The following DMD variants were observed in gnomAD, a reference collection of about 807,000 sequenced individuals.
The protein encoded by DMD is mutant dystrophin.
In DMD, 63 loss-of-function variants were observed where a neutral mutation model predicts 330.1. The observed-to-expected ratio is 0.19, with a 90% CI of 0.16 to 0.24. The LOEUF (loss-of-function observed/expected upper bound fraction) is 0.24, where lower values mean the gene tolerates loss of function less well. Ranked by LOEUF, DMD falls within the 10% of genes least tolerant of loss-of-function variation. The pLI, the probability that DMD is intolerant of heterozygous loss-of-function variation, is 1.00. For missense variants in DMD, 3,344 were observed against 2,684.1 expected, an observed-to-expected ratio of 1.25 and a Z score of -5.43; for synonymous variants, 1,223 against 959.8, an observed-to-expected ratio of 1.27 and a Z score of -5.07.
intron 4 of DMD, among the ~76,000 whole-genome samples, chrX:32,834,486 A>T (rs2079433568): frequency 9.0e-6 from 1 of 111,665 alleles, no homozygotes; most frequent in Non-Finnish European, 1.9e-5. Flanking sequence ...CCAGCATGTG[A>T]ACAGTATATC....
intron 12 of DMD, among the ~76,000 whole-genome samples, chrX:32,596,906 G>C (rs1476369228): frequency 9.0e-6 from 1 of 110,985 alleles, no homozygotes; most frequent in African/African-American, 3.3e-5. Context: ...CTACAAATCA[G>C]ATGTCAGTCC....
chrX:32,411,774 G>A lies in DMD; in HGVS notation c.4211C>T (p.Ala1404Val). 1 of 1,211,343 alleles carries A rather than the reference G, an allele frequency of 8.3e-7. No individual in the cohort carries two copies. The highest frequency in any genetic ancestry group is 1.1e-6 in the Non-Finnish European group (1 of 895,323). The change falls in exon 30 of 79, where the codon GCT (alanine) becomes GTT (valine). Residue 1404 changes from alanine to valine, a missense_variant. Ala to Val is a moderately conservative substitution (Grantham distance 64). Coordinates refer to ENST00000357033, the MANE Select transcript of DMD (RefSeq NM_004006.3). Reference sequence around the variant, plus strand: ...TGCCTGGGCTTCCTGAGGCATTTGAGCTGCGTCCACCTTGTCTGCAATATA... The same window carrying A: ...TGCCTGGGCTTCCTGAGGCATTTGAACTGCGTCCACCTTGTCTGCAATATA... Reference protein sequence around the residue: ...AAYIADKVDAAQMPQEAQKIQ... With the variant: ...AAYIADKVDAVQMPQEAQKIQ...
intron 2 of DMD, among the ~76,000 whole-genome samples, chrX:32,966,875 G>A (rs972943735): frequency 8.9e-6 from 1 of 112,186 alleles, no homozygotes; most frequent in Non-Finnish European, 1.9e-5. Flanking sequence ...ATGCAAATTG[G>A]AGTAGAAAAC....
At chrX:33,242,376 T>C (rs775890359) in intron 1 of DMD, among the ~76,000 whole-genome samples, 88 of 112,073 alleles carry the variant, frequency 7.9e-4, no homozygotes, top group Non-Finnish European at 1.4e-3. Flanking sequence ...TTTCCATTCC[T>C]GAGTTACTTC....
At chrX:32,884,528 A>C (rs1237393283) in intron 2 of DMD, among the ~76,000 whole-genome samples, 1 of 111,735 alleles carries the variant, frequency 8.9e-6, no homozygotes, top group East Asian at 2.8e-4. Flanking sequence ...TTTTAAACCA[A>C]TGGAGAGTCT....
At position 32,352,623 on chromosome X, in the gene DMD, C is replaced by G. The variant is rs150660942; in HGVS notation, c.5326-4095G>C. ...GCTCTATTAACCATTATACTCATAA[C>G]ATTGTAAAGAACTAATATCTCATAA... On this transcript the variant is annotated intron_variant, in intron 37 of 78. Coordinates refer to ENST00000357033, the MANE Select transcript of DMD (RefSeq NM_004006.3). Among the ~76,000 whole-genome samples the G allele has an allele frequency of 3.2e-3, 358 of 110,901 alleles. 11 individuals carry two copies. In the East Asian group the frequency reaches 0.086, roughly 27 times the overall value.
chrX:31,354,736 A>C (rs2058586025), intron 60 of DMD, among the ~76,000 whole-genome samples: 1 of 112,095 alleles, frequency 8.9e-6, no homozygotes, highest in Admixed American at 9.5e-5. Flanking sequence ...ACTAGAATGT[A>C]AGTTTATTGT....
intron 49 of DMD, among the ~76,000 whole-genome samples, chrX:31,822,827 T>G (rs1486377599): frequency 1.8e-5 from 2 of 110,606 alleles, no homozygotes; most frequent in Non-Finnish European, 3.8e-5. Context: ...GATCAATCTT[T>G]TATTCTTTAA....
intron 59 of DMD, among the ~76,000 whole-genome samples, chrX:31,461,708 C>T (rs905435783): frequency 9.0e-6 from 1 of 111,087 alleles, no homozygotes; most frequent in Non-Finnish European, 1.9e-5. Flanking sequence ...AAACAAAATT[C>T]TCATTATTTA....
intron 7 of DMD, among the ~76,000 whole-genome samples, chrX:32,737,308 A>T (rs200045221): frequency 9.0e-6 from 1 of 111,584 alleles, no homozygotes; most frequent in African/African-American, 3.3e-5. Context: ...TTGAACACAA[A>T]GTAATGTGAT....
chrX:32,404,530 A>C, intron 30 of DMD, among the ~76,000 whole-genome samples: 1 of 111,526 alleles, frequency 9.0e-6, no homozygotes, highest in Admixed American at 9.6e-5. Context: ...ACTGCTAAGC[A>C]ACTCCGCTCT....
intron 44 of DMD, among the ~76,000 whole-genome samples, chrX:32,055,163 C>T (rs1438791127): frequency 9.0e-6 from 1 of 111,155 alleles, no homozygotes; most frequent in African/African-American, 3.3e-5. Flanking sequence ...TGACGAAAAT[C>T]TCGTCCCTTA....
intron 55 of DMD, among the ~76,000 whole-genome samples, chrX:31,573,831 C>T (rs1357678340): frequency 9.0e-6 from 1 of 111,037 alleles, no homozygotes; most frequent in Non-Finnish European, 1.9e-5. Context: ...ACCAATTCCC[C>T]CAACAGCCAG....
chrX:32,997,056 T>C (rs2093140110), intron 2 of DMD, among the ~76,000 whole-genome samples: 1 of 111,622 alleles, frequency 9.0e-6, no homozygotes, highest in South Asian at 3.7e-4. Flanking sequence ...GTTACATGCA[T>C]ATGTTGGATA....
intron 44 of DMD, among the ~76,000 whole-genome samples, chrX:32,128,822 T>A (rs2096673978): frequency 8.9e-6 from 1 of 112,261 alleles, no homozygotes; most frequent in Non-Finnish European, 1.9e-5. Context: ...ACCTGTGTCG[T>A]TCCTCTTTGT....
intron 7 of DMD, among the ~76,000 whole-genome samples, chrX:32,724,110 A>C (rs2066617704): frequency 2.7e-5 from 3 of 112,378 alleles, no homozygotes; most frequent in Non-Finnish European, 5.6e-5. Flanking sequence ...CAAATATAAT[A>C]CATTTAAATG....
intron 54 of DMD, among the ~76,000 whole-genome samples, chrX:31,631,415 G>A (rs183699939): frequency 6.1e-4 from 68 of 111,188 alleles, no homozygotes; most frequent in African/African-American, 1.8e-3. Context: ...TCCCCGAGAC[G>A]GGCTGCACGT....
chrX:32,391,908 T>A (rs1292405470), intron 30 of DMD, among the ~76,000 whole-genome samples: 2 of 111,787 alleles, frequency 1.8e-5, no homozygotes, highest in Non-Finnish European at 3.8e-5. Flanking sequence ...GAAATGTTAA[T>A]CCTCCTCAAA....
chrX:32,767,442 G>A (rs2073118850), intron 7 of DMD, among the ~76,000 whole-genome samples: 1 of 111,574 alleles, frequency 9.0e-6, no homozygotes, highest in Non-Finnish European at 1.9e-5. Flanking sequence ...TGTTAAGACT[G>A]TAAGTTCTAT....
Sources: allele counts gnomAD v4.1 joint callset (sites outside exome capture counted in the v4.1 genomes callset), GRCh38; gene constraint gnomAD v4.1.1; transcripts MANE v1.5; gene names NCBI Gene and HGNC (gene_info 2026-07-23, HGNC 2026-07-21).